FAM136A: variants seen among roughly 807,000 people sequenced by gnomAD.
FAM136A encodes TIM double twin CX3C motif protein.
FAM136A carries 25 observed loss-of-function variants against 21.6 expected under a neutral mutation model. The observed-to-expected ratio is 1.16, with a 90% CI of 0.84 to 1.62. FAM136A has a LOEUF of 1.62. FAM136A is among the 40% of genes most tolerant of loss of function. The pLI is 0.00. For missense variants in FAM136A, 338 were observed against 332.0 expected (o/e 1.02, Z -0.14); for synonymous variants, 119 against 129.4 (o/e 0.92, Z 0.55).
At chr2:70,301,541 G>A in intron 1 of FAM136A, 63 bp downstream of exon 1, 7 of 1,536,026 alleles carry the variant, frequency 4.6e-6, no homozygotes, top group Non-Finnish European at 6.1e-6. Flanking sequence ...GGGGAGGCCG[G>A]AAGTCCTCGC....
rs1371800295 is a variant in FAM136A at position 70,296,093 on chromosome 2, A to C, written c.*1196T>G. The C allele has an allele frequency of 6.5e-6, 1 of 152,678 alleles. No homozygotes were observed. The highest frequency in any genetic ancestry group is 2.4e-5 in the African/African-American group (1 of 41,462). The allele number at this position is 152,678 out of a possible 1,614,324, so 9.5% of individuals were successfully genotyped here. A position where few individuals can be genotyped will look rare whatever the true frequency, so the allele number is the denominator to read the frequency against. Reference sequence around the variant, plus strand: ...TAATTTCAAGTAATAAGTTGGTGAAAATTCAACGAAGTTGCTATCAAAACA... The same window carrying C: ...TAATTTCAAGTAATAAGTTGGTGAACATTCAACGAAGTTGCTATCAAAACA... On this transcript the variant is annotated 3_prime_UTR_variant, in exon 3 of 3. Transcript: ENST00000430566.
rs79420153 is a variant in FAM136A at position 70,297,237 on chromosome 2, T to A, written c.*52A>T. ...TTAAAAGACTAAAATTCCCAATTCC[T>A]TATAAAAAATATATTCTTGCCCTCA... On this transcript the variant is annotated 3_prime_UTR_variant, in exon 3 of 3. Transcript: ENST00000430566. 184 of 1,351,190 alleles carry A rather than the reference T, an allele frequency of 1.4e-4. No homozygotes were observed. Among genetic ancestry groups the A allele is most frequent in the Middle Eastern group, 1.9e-4 (1 of 5,346 alleles). 83.7% of individuals were successfully genotyped at this position (1,351,190 alleles called of 1,614,324 possible).
Position 70,301,976 on chromosome 2 carries a change from C to A in FAM136A, c.36G>T (p.Ala12=), listed in dbSNP as rs1219598347. The A allele has an allele frequency of 6.2e-7, 1 of 1,607,540 alleles. No individual in the cohort carries two copies. The highest frequency in any genetic ancestry group is 8.5e-7 in the Non-Finnish European group (1 of 1,178,180). Residue 12 remains alanine, a synonymous_variant, in exon 1 of 3, where the codon GCG becomes GCT. Transcript: ENST00000430566. ...CCAGACTCTTCACCATGGACTCCAC[C>A]GCCTCCTGCACCCGGAGCTGCTGCA... ...AELQQLRVQE[A]VESMVKSLER...
At position 70,296,921 on chromosome 2, in the gene FAM136A, ACT is replaced by A. The variant is rs1378032115; in HGVS notation, c.*366_*367del. On this transcript the variant is annotated 3_prime_UTR_variant, in exon 3 of 3. Transcript: ENST00000430566. ...ACAAAGAGAAAATATCTCTCCTCAGACTCCACCAACTCTAACCTGCCAGCCTG... is the reference window on the plus strand; with the variant it reads ...ACAAAGAGAAAATATCTCTCCTCAGACCACCAACTCTAACCTGCCAGCCTG... 1.2e-5 allele frequency: 2 copies of A among 167,118 alleles called. No homozygotes were observed. Among genetic ancestry groups the A allele is most frequent in the African/African-American group, 4.8e-5 (2 of 41,826 alleles). The allele number at this position is 167,118 out of a possible 1,614,324, so 10.4% of individuals were successfully genotyped here. A position where few individuals can be genotyped will look rare whatever the true frequency, so the allele number is the denominator to read the frequency against.
rs1488592260 is a variant in FAM136A, at chr2:70,300,891, C to T, written c.498G>A (p.Val166=). ...QVHQCIERCH[V]PLAQAQALVT... is the part of the protein sequence containing the mutation. ...CCAAAGCCTGGGCTTGAGCCAGAGG[C>T]ACATGGCAGCGCTCGATGCACTGGT... Residue 166 remains valine (V), a synonymous_variant, in exon 2 of 3, where the codon GTG becomes GTA. Transcript: ENST00000430566. 6.2e-7 allele frequency: 1 copy of T among 1,613,430 alleles called. No homozygotes were observed. The highest frequency in any genetic ancestry group is 1.3e-5 in the African/African-American group (1 of 74,908).
chr2:70,298,185 C>T lies in FAM136A; in HGVS notation c.550-708G>A, dbSNP rs185138024. 3.6e-3 allele frequency among the ~76,000 whole-genome samples: 552 copies of T among 152,144 alleles called. 2 individuals carry two copies. Among genetic ancestry groups the T allele is most frequent in the African/African-American group, 0.013 (525 of 41,514 alleles). ...TCGGCTCACCACAACCTCCACCTCC[C>T]GGGTTCAAGTGATTCTCCTGCCTCA... On this transcript the variant is annotated intron_variant, in intron 2 of 2. Coordinates refer to ENST00000430566, the MANE Select transcript of FAM136A (RefSeq NM_001329752.2).
chr2:70,301,792 G>A lies in FAM136A; in HGVS notation c.220C>T (p.Arg74Trp), dbSNP rs1434135167. The A allele has an allele frequency of 6.5e-6, 10 of 1,547,098 alleles. No individual in the cohort carries two copies. In the East Asian group the frequency reaches 1.5e-4, roughly 23 times the overall value. ...CCGAAGTCCTGTCCGAGGCCGCCCC[G>A]GCGACCCCAGGGCCGCCCACACCCG... is the stretch of plus-strand genomic sequence containing the variant. ...QTGCGRPWGR[R>W]GGLGQDFGSF... The change falls in exon 1 of 3, where the codon CGG becomes TGG. Residue 74 changes from arginine (R) to tryptophan (W), a missense_variant. Transcript: ENST00000430566.
intron 2 of FAM136A, among the ~76,000 whole-genome samples, chr2:70,298,261 T>C (rs1697308261): frequency 6.6e-6 from 1 of 151,992 alleles, no homozygotes; most frequent in African/African-American, 2.4e-5. Flanking sequence ...CCTGGCTAAC[T>C]TTTTTTGTAT....
chr2:70,301,389 CT>C (rs1261193521), intron 1 of FAM136A: 3 of 1,522,798 alleles, frequency 2.0e-6, no homozygotes, highest in South Asian at 2.4e-5. Context: ...TCAAGGGGCA[CT>C]ATCTGGGAAA....
At chr2:70,297,620 A>T in intron 2 of FAM136A, 143 bp from the exon 3 acceptor site, 5 of 405,712 alleles carry the variant, frequency 1.2e-5, no homozygotes, top group Non-Finnish European at 2.0e-5. Context: ...TGATTGGCCA[A>T]GTTTTTTTTT....
intron 2 of FAM136A, among the ~76,000 whole-genome samples, chr2:70,299,741 C>T (rs1016192789): frequency 6.6e-6 from 1 of 151,958 alleles, no homozygotes; most frequent in Non-Finnish European, 1.5e-5. Context: ...GCTGGGACTA[C>T]AGGCGCCCAC....
chr2:70,299,830 G>A (rs1697345069), intron 2 of FAM136A, among the ~76,000 whole-genome samples: 1 of 152,084 alleles, frequency 6.6e-6, no homozygotes, highest in South Asian at 2.1e-4. Flanking sequence ...TGGATCTCCT[G>A]ACCTCGTGAT....
At position 70,301,691 on chromosome 2, in the gene FAM136A, C is replaced by T. The variant is rs922442292; in HGVS notation, c.321G>A (p.Gly107=). The T allele has an allele frequency of 2.6e-6, 4 of 1,535,356 alleles. No homozygotes were observed. Among genetic ancestry groups the T allele is most frequent in the Non-Finnish European group, 3.5e-6 (4 of 1,146,260 alleles). ...CCACCTGCCGCCGAGGACGCTCCTGCCCCGGGCTGGAAGGGGCGGAAAACA... is the reference window on the plus strand; with the variant it reads ...CCACCTGCCGCCGAGGACGCTCCTGTCCCGGGCTGGAAGGGGCGGAAAACA... ...ARLFSAPSSP[G]QERPRRQVGS... Residue 107 remains glycine, a synonymous_variant, in exon 1 of 3, where the codon GGG becomes GGA. Coordinates refer to ENST00000430566, the MANE Select transcript of FAM136A (RefSeq NM_001329752.2).
At chr2:70,301,188 C>T (rs151240829) in intron 1 of FAM136A, 2 of 775,554 alleles carry the variant, frequency 2.6e-6, no homozygotes, top group East Asian at 5.5e-5. Context: ...TTCATGGTGT[C>T]CTTGCTGCTA....
intron 1 of FAM136A, 149 bp downstream of exon 1, chr2:70,301,455 A>C (rs1488662505): frequency 6.5e-7 from 1 of 1,535,576 alleles, no homozygotes; most frequent in East Asian, 2.4e-5. Context: ...TGCGGGGCTC[A>C]GAGAAGAACA....
chr2:70,300,253 GAACA>G (rs747931149), intron 2 of FAM136A, among the ~76,000 whole-genome samples: 3 of 152,072 alleles, frequency 2.0e-5, no homozygotes, highest in African/African-American at 2.4e-5. Context: ...ATGTCAAAAG[GAACA>G]AACAAACGCC....
In FAM136A at chr2:70,297,072, A is replaced by G. The variant is rs1314784721; in HGVS notation, c.*217T>C. ...TAATAAGCTCTAAAACTCTCCTGTA[A>G]TATCTCTGACTCGATTTAGCACCAC... On this transcript the variant is annotated 3_prime_UTR_variant, in exon 3 of 3. Coordinates refer to ENST00000430566, the MANE Select transcript of FAM136A (RefSeq NM_001329752.2). The G allele has an allele frequency of 5.7e-6, 3 of 526,402 alleles. No homozygotes were observed. The highest frequency in any genetic ancestry group is 3.2e-5 in the Admixed American group (1 of 31,366). The allele number at this position is 526,402 out of a possible 1,614,324, so 32.6% of individuals were successfully genotyped here.
intron 1 of FAM136A, chr2:70,301,352 A>C (rs1477394556): frequency 6.8e-7 from 1 of 1,478,406 alleles, no homozygotes; most frequent in East Asian, 2.5e-5. Flanking sequence ...ATTCCACCAG[A>C]GGGCAGCCGA....
intron 2 of FAM136A, among the ~76,000 whole-genome samples, chr2:70,298,186 G>A (rs1159796289): frequency 2.0e-5 from 3 of 151,612 alleles, no homozygotes; most frequent in South Asian, 2.1e-4. Context: ...TCCACCTCCC[G>A]GGTTCAAGTG....
Sources: allele counts gnomAD v4.1 joint callset (sites outside exome capture counted in the v4.1 genomes callset), GRCh38; gene constraint gnomAD v4.1.1; transcripts MANE v1.5; gene names NCBI Gene and HGNC (gene_info 2026-07-23, HGNC 2026-07-21).